The following WWTR1 variants were observed in gnomAD, a reference collection of about 807,000 sequenced individuals.
The protein encoded by WWTR1 is WW domain-containing transcription regulator protein 1.
Under a neutral mutation model 40.1 loss-of-function variants are expected in WWTR1, and 13 were observed. The observed-to-expected ratio is 0.32, with a 90% CI of 0.21 to 0.52. The LOEUF (loss-of-function observed/expected upper bound fraction) is 0.52, where lower values mean the gene tolerates loss of function less well. Ranked by LOEUF, WWTR1 falls within the 20% of genes least tolerant of loss-of-function variation. WWTR1 has a pLI of 0.97. For synonymous variants in WWTR1, 230 were observed against 210.1 expected, an observed-to-expected ratio of 1.09 and a Z score of -0.82; for missense variants, 436 against 523.1, an observed-to-expected ratio of 0.83 and a Z score of 1.63.
At chr3:149,669,661 C>T (rs79885204) in intron 2 of WWTR1, 1 of 152,150 alleles carries the variant, frequency 6.6e-6, no homozygotes, top group Non-Finnish European at 1.5e-5. Flanking sequence ...CATCCTGAAA[C>T]CCCTCTGGAG....
intron 3 of WWTR1, 118 bp from the exon 4 acceptor site, chr3:149,542,655 C>T (rs1736169604): frequency 4.6e-6 from 5 of 1,093,700 alleles, no homozygotes; most frequent in African/African-American, 1.6e-5. Context: ...TTCCAAAGTA[C>T]TTTCCTGTTA....
chr3:149,634,253 C>A (rs1241049305), intron 2 of WWTR1, among the ~76,000 whole-genome samples: 1 of 152,194 alleles, frequency 6.6e-6, no homozygotes, highest in African/African-American at 2.4e-5. Context: ...CCCTGTACAT[C>A]AGTTTTCTGA....
intron 3 of WWTR1, among the ~76,000 whole-genome samples, chr3:149,557,232 A>G (rs1736872192): frequency 6.6e-6 from 1 of 151,698 alleles, no homozygotes; most frequent in African/African-American, 2.4e-5. Context: ...CACCACGCCC[A>G]GCTAATTTTT....
chr3:149,554,258 T>C (rs1056463676), intron 3 of WWTR1, among the ~76,000 whole-genome samples: 1 of 152,180 alleles, frequency 6.6e-6, no homozygotes, highest in Non-Finnish European at 1.5e-5. Context: ...AGCCACACTT[T>C]CCCAGCTTCA....
intron 5 of WWTR1, among the ~76,000 whole-genome samples, chr3:149,710,217 C>T (rs745500334): frequency 1.6e-4 from 25 of 152,276 alleles, no homozygotes; most frequent in Non-Finnish European, 2.6e-4. Flanking sequence ...CTGACCAGTT[C>T]AGGTCATCTT....
chr3:149,663,136 G>T (rs1203485827), intron 2 of WWTR1, among the ~76,000 whole-genome samples: 1 of 151,928 alleles, frequency 6.6e-6, no homozygotes, highest in Admixed American at 6.6e-5. Context: ...GGGTTCAAGC[G>T]ATTCTCCTGT....
intron 2 of WWTR1, among the ~76,000 whole-genome samples, chr3:149,664,828 A>T (rs1049208075): frequency 2.6e-5 from 4 of 151,900 alleles, no homozygotes; most frequent in African/African-American, 9.7e-5. Flanking sequence ...CTCAGGTGTG[A>T]TCCACCCACC....
At chr3:149,667,831 G>A (rs1357351514) in intron 2 of WWTR1, among the ~76,000 whole-genome samples, 6 of 152,148 alleles carry the variant, frequency 3.9e-5, no homozygotes, top group African/African-American at 1.4e-4. Flanking sequence ...AGTTCATTCT[G>A]TATATTTCCT....
At chr3:149,652,013 T>TTTTTG (rs1712903873) in intron 2 of WWTR1, among the ~76,000 whole-genome samples, 1 of 141,696 alleles carries the variant, frequency 7.1e-6, no homozygotes, top group Non-Finnish European at 1.5e-5. Flanking sequence ...TTTTTTTTTT[T>TTTTTG]TTGTATTTTT....
intron 2 of WWTR1, among the ~76,000 whole-genome samples, chr3:149,585,286 C>A (rs1738369969): frequency 6.6e-6 from 1 of 152,166 alleles, no homozygotes; most frequent in African/African-American, 2.4e-5. Context: ...GCATGCGCCA[C>A]TACGCCAGGC....
chr3:149,634,610 A>G (rs1711717798), intron 2 of WWTR1, among the ~76,000 whole-genome samples: 2 of 152,220 alleles, frequency 1.3e-5, no homozygotes, highest in South Asian at 4.1e-4. Flanking sequence ...AGGTCCATGC[A>G]CAATAAATGG....
intron 1 of WWTR1, among the ~76,000 whole-genome samples, chr3:149,691,601 G>A (rs928548829): frequency 6.6e-6 from 1 of 151,572 alleles, no homozygotes; most frequent in African/African-American, 2.4e-5. Context: ...CTACCAAGAT[G>A]GAACCACAAA....
At chr3:149,601,327 A>G (rs1240191256) in intron 2 of WWTR1, among the ~76,000 whole-genome samples, 2 of 152,038 alleles carry the variant, frequency 1.3e-5, no homozygotes, top group Non-Finnish European at 2.9e-5. Flanking sequence ...AGTATCTGGG[A>G]CCACAGGTGA....
intron 2 of WWTR1, among the ~76,000 whole-genome samples, chr3:149,642,076 T>C (rs182941098): frequency 7.0e-4 from 106 of 152,358 alleles, no homozygotes; most frequent in Admixed American, 2.9e-3. Context: ...CCTGCCTTCT[T>C]TCCTTCAAGC....
At chr3:149,590,454 A>G (rs141330933) in intron 2 of WWTR1, among the ~76,000 whole-genome samples, 10,228 of 152,182 alleles carry the variant, frequency 0.067, 515 homozygotes, top group East Asian at 0.14. Flanking sequence ...GTTTCAGACA[A>G]GCCTGGCCAA....
At chr3:149,604,830 A>T (rs939706885) in intron 2 of WWTR1, among the ~76,000 whole-genome samples, 2 of 152,262 alleles carry the variant, frequency 1.3e-5, no homozygotes, top group Non-Finnish European at 2.9e-5. Context: ...TGCCAGGAAA[A>T]ACCAGGCATA....
intron 3 of WWTR1, among the ~76,000 whole-genome samples, chr3:149,546,909 C>T (rs866421307): frequency 6.6e-6 from 1 of 152,072 alleles, no homozygotes. Context: ...TAAAACCGGT[C>T]GGTATCCTAG....
intron 3 of WWTR1, among the ~76,000 whole-genome samples, chr3:149,572,127 C>G (rs1176444950): frequency 6.6e-6 from 1 of 152,260 alleles, no homozygotes; most frequent in East Asian, 1.9e-4. Flanking sequence ...ATCAGACTAG[C>G]CTGCTCTCCA....
At chr3:149,528,407 T>C (rs1204272906) in intron 4 of WWTR1, among the ~76,000 whole-genome samples, 1 of 152,226 alleles carries the variant, frequency 6.6e-6, no homozygotes, top group Non-Finnish European at 1.5e-5. Context: ...ACTGTGGAAT[T>C]ACAGAGTCCA....
Sources: allele counts gnomAD v4.1 joint callset (sites outside exome capture counted in the v4.1 genomes callset), GRCh38; gene constraint gnomAD v4.1.1; transcripts MANE v1.5; gene names NCBI Gene and HGNC (gene_info 2026-07-23, HGNC 2026-07-21).